GTF2H5: variants seen among roughly 807,000 people sequenced by gnomAD.
The protein encoded by GTF2H5 is TFB5 ortholog.
In GTF2H5, 5 loss-of-function variants were observed where a neutral mutation model predicts 7.1. The ratio of observed to expected loss-of-function variants is 0.71; its 90% CI spans 0.37 to 1.49. The LOEUF (loss-of-function observed/expected upper bound fraction) is 1.49. Among genes scored for constraint, GTF2H5 ranks in the 40% most tolerant of loss-of-function variants. GTF2H5 has a pLI of 0.03. For synonymous variants in GTF2H5, 30 were observed against 31.7 expected (o/e 0.95, Z 0.18); for missense variants, 80 against 83.0 (o/e 0.96, Z 0.14).
intron 2 of GTF2H5, among the ~76,000 whole-genome samples, chr6:158,173,456 A>G (rs901818386): frequency 5.9e-5 from 9 of 152,208 alleles, no homozygotes; most frequent in Non-Finnish European, 1.3e-4. Context: ...AAAGTCCTTC[A>G]GTTTCCCTCA....
intron 2 of GTF2H5, among the ~76,000 whole-genome samples, chr6:158,176,568 A>T (rs1277300609): frequency 6.6e-6 from 1 of 152,154 alleles, no homozygotes; most frequent in Non-Finnish European, 1.5e-5. Context: ...TTAGAATTAT[A>T]CCATATATAT....
At position 158,183,363 on chromosome 6, in the gene GTF2H5, A is replaced by G. The variant is rs1322747010; in HGVS notation, c.36-8614A>G. The stretch of plus-strand genomic sequence containing the variant: ...AGGGACCCATTTGAAGAGGCAGTCT[A>G]TCCATTATCGGAGCTCAAATGCCAT... On this transcript the variant is annotated intron_variant, in intron 2 of 2. Transcript: ENST00000607778. Among the ~76,000 whole-genome samples, 6 of 152,294 alleles carry G rather than the reference A, an allele frequency of 3.9e-5. No homozygotes were observed. In the Middle Eastern group the frequency reaches 0.01, roughly 259 times the overall value.
At chr6:158,186,588 T>C (rs868553600) in intron 2 of GTF2H5, among the ~76,000 whole-genome samples, 1 of 152,250 alleles carries the variant, frequency 6.6e-6, no homozygotes, top group Non-Finnish European at 1.5e-5. Flanking sequence ...TCAATCAATT[T>C]TGAAGTTTAT....
rs1777082571 is a variant in GTF2H5, at chr6:158,194,777, G to A, written c.*2620G>A. ...CTTATTCACATGGAAACAAGGCTAG[G>A]TGATTAAGGGAGAAAGGGACAGTCT... On this transcript the variant is annotated 3_prime_UTR_variant, in exon 3 of 3. Transcript: ENST00000607778. 6.6e-6 allele frequency: 1 copy of A among 152,228 alleles called. No individual in the cohort carries two copies. Among genetic ancestry groups the A allele is most frequent in the African/African-American group, 2.4e-5 (1 of 41,458 alleles). The allele number at this position is 152,228 out of a possible 1,614,324, so 9.4% of individuals were successfully genotyped here.
At chr6:158,175,044 G>GTGTGTGTGTGTGTGTGTGTGTA in intron 2 of GTF2H5, among the ~76,000 whole-genome samples, 65 of 142,850 alleles carry the variant, frequency 4.6e-4, no homozygotes, top group Admixed American at 9.3e-4. Flanking sequence ...GTGTGTGTGT[G>GTGTGTGTGTGTGTGTGTGTGTA]TATACACACA....
intron 1 of GTF2H5, among the ~76,000 whole-genome samples, chr6:158,169,464 ATATTGTATAT>A (rs1785740228): frequency 1.4e-5 from 1 of 70,254 alleles, no homozygotes; most frequent in African/African-American, 6.8e-5. Flanking sequence ...TATATATATT[ATATTGTATAT>A]TATATATAAT....
chr6:158,169,770 A>ATTATATAATATATTGTATATTATATG (rs1562469503), intron 1 of GTF2H5, among the ~76,000 whole-genome samples: 1 of 73,980 alleles, frequency 1.4e-5, no homozygotes, highest in Non-Finnish European at 2.7e-5. Context: ...TATATTATAT[A>ATTATATAATATATTGTATATTATATG]TAATATATTG....
At chr6:158,191,513 C>G (rs373872538) in intron 2 of GTF2H5, among the ~76,000 whole-genome samples, 1 of 149,396 alleles carries the variant, frequency 6.7e-6, no homozygotes, top group Non-Finnish European at 1.5e-5. Flanking sequence ...GACAGAGTCT[C>G]GCTCTGTCGC....
At chr6:158,191,843 G>A (rs569485950) in intron 2 of GTF2H5, 134 bp from the exon 3 acceptor site, 1 of 716,716 alleles carries the variant, frequency 1.4e-6, no homozygotes, top group African/African-American at 1.7e-5. Flanking sequence ...TTGAGGCAGA[G>A]AGGAAGTGAG....
chr6:158,169,694 T>TATATATAATATATTGTATATTATATATA lies in GTF2H5; in HGVS notation c.-34-771_-34-770insTAATATATTGTATATTATATATAATATA, dbSNP rs1562469218. On this transcript the variant is annotated intron_variant, in intron 1 of 2. Transcript: ENST00000607778. ...ATATTATATAATATATAATATATAT[T>TATATATAATATATTGTATATTATATATA]ATATAATATATTGTATATTATATAT... is the stretch of plus-strand genomic sequence containing the variant. 1.1e-3 allele frequency among the ~76,000 whole-genome samples: 94 copies of TATATATAATATATTGTATATTATATATA among 86,954 alleles called. 8 individuals are homozygous for TATATATAATATATTGTATATTATATATA. Among genetic ancestry groups the TATATATAATATATTGTATATTATATATA allele is most frequent in the African/African-American group, 6.1e-3 (93 of 15,276 alleles). 57.0% of individuals were successfully genotyped at this position (86,954 alleles called of 152,430 possible). A position where few individuals can be genotyped will look rare whatever the true frequency, so the allele number is the denominator to read the frequency against.
intron 2 of GTF2H5, among the ~76,000 whole-genome samples, chr6:158,190,256 A>T (rs1305205247): frequency 6.6e-6 from 1 of 152,178 alleles, no homozygotes; most frequent in East Asian, 1.9e-4. Flanking sequence ...TTATCTCAGT[A>T]AAAATCTCCT....
intron 1 of GTF2H5, among the ~76,000 whole-genome samples, chr6:158,170,162 T>C (rs1478718330): frequency 6.6e-6 from 1 of 152,124 alleles, no homozygotes; most frequent in Non-Finnish European, 1.5e-5. Context: ...AGAAATCCTT[T>C]GAATAATGGA....
At position 158,187,714 on chromosome 6, in the gene GTF2H5, C is replaced by G. The variant is rs1255612203; in HGVS notation, c.36-4263C>G. ...TCCCGAGTAGCTGGGACTACAGGTG[C>G]CTGCCACCACATCTGGCTAATTTTT... On this transcript the variant is annotated intron_variant, in intron 2 of 2. Transcript: ENST00000607778. Among the ~76,000 whole-genome samples the G allele has an allele frequency of 2.6e-5, 4 of 152,132 alleles. No individual in the cohort carries two copies. The East Asian group carries it at 7.7e-4, about 29-fold the overall frequency.
chr6:158,179,249 C>G (rs1785973831), intron 2 of GTF2H5, among the ~76,000 whole-genome samples: 1 of 152,082 alleles, frequency 6.6e-6, no homozygotes, highest in Non-Finnish European at 1.5e-5. Flanking sequence ...GTTACTGTAG[C>G]CTTGTAGTAT....
At chr6:158,189,751 A>C in intron 2 of GTF2H5, among the ~76,000 whole-genome samples, 1 of 152,204 alleles carries the variant, frequency 6.6e-6, no homozygotes, top group East Asian at 1.9e-4. Context: ...AGTAAAGAGA[A>C]GACTTGGTTC....
intron 2 of GTF2H5, among the ~76,000 whole-genome samples, chr6:158,184,781 C>T (rs1252831284): frequency 6.6e-6 from 1 of 152,212 alleles, no homozygotes; most frequent in Non-Finnish European, 1.5e-5. Flanking sequence ...CAAGATTGTT[C>T]TGATGGATTG....
intron 2 of GTF2H5, among the ~76,000 whole-genome samples, chr6:158,181,227 T>G (rs1327417454): frequency 6.6e-6 from 1 of 152,212 alleles, no homozygotes; most frequent in East Asian, 1.9e-4. Context: ...TGCACTGTGG[T>G]CTGAGAGACA....
At chr6:158,185,326 G>C (rs903277973) in intron 2 of GTF2H5, among the ~76,000 whole-genome samples, 3 of 151,884 alleles carry the variant, frequency 2.0e-5, no homozygotes, top group African/African-American at 7.3e-5. Flanking sequence ...GATCGCCCAA[G>C]CCCAGGAGTT....
In GTF2H5 at chr6:158,197,758, T is replaced by TGC. The variant is rs1777135225; in HGVS notation, c.*5601_*5602insGC. On this transcript the variant is annotated 3_prime_UTR_variant, in exon 3 of 3. Transcript: ENST00000607778. ...TAAAGCAAGGGCAGTTTAGCTAGAATTTCTATCAAAAATCATTAGGTATCC... is the reference window on the plus strand; with the variant it reads ...TAAAGCAAGGGCAGTTTAGCTAGAATGCTTCTATCAAAAATCATTAGGTATCC... 1 of 152,140 alleles carries TGC rather than the reference T, an allele frequency of 6.6e-6. No homozygotes were observed. Among genetic ancestry groups the TGC allele is most frequent in the Non-Finnish European group, 1.5e-5 (1 of 68,024 alleles). The allele number at this position is 152,140 out of a possible 1,614,324, so 9.4% of individuals were successfully genotyped here. A position where few individuals can be genotyped will look rare whatever the true frequency, so the allele number is the denominator to read the frequency against.
Sources: gnomAD v4.1 joint callset for allele counts (sites outside exome capture counted in the v4.1 genomes callset) on GRCh38, gnomAD v4.1.1 for gene constraint, MANE v1.5 for transcripts, NCBI Gene and HGNC (gene_info 2026-07-23, HGNC 2026-07-21) for gene names.